SAMD4A: variants seen among roughly 807,000 people sequenced by gnomAD.
The protein encoded by SAMD4A is sterile alpha motif domain containing 4A.
SAMD4A carries 33 observed loss-of-function variants against 81.3 expected under a neutral mutation model. The ratio of observed to expected loss-of-function variants is 0.41; its 90% CI spans 0.31 to 0.54. The LOEUF (loss-of-function observed/expected upper bound fraction) is 0.54, where lower values mean the gene tolerates loss of function less well. Ranked by LOEUF, SAMD4A falls within the 20% of genes least tolerant of loss-of-function variation. The pLI is 0.37. For synonymous variants in SAMD4A, 389 were observed against 382.1 expected (o/e 1.02, Z -0.21); for missense variants, 854 against 951.1 (o/e 0.90, Z 1.34).
chr14:54,750,839 G>A (rs1490811114), intron 5 of SAMD4A, among the ~76,000 whole-genome samples: 1 of 152,230 alleles, frequency 6.6e-6, no homozygotes, highest in Non-Finnish European at 1.5e-5. Flanking sequence ...TTCTAAGGCT[G>A]TGAAGAAATT....
chr14:54,788,452 T>C (rs1362301187), intron 12 of SAMD4A, among the ~76,000 whole-genome samples: 2 of 152,098 alleles, frequency 1.3e-5, no homozygotes, highest in Non-Finnish European at 2.9e-5. Context: ...ATCCCACCTA[T>C]GCATGCACCG....
At chr14:54,600,313 C>T (rs2034020362) in intron 2 of SAMD4A, among the ~76,000 whole-genome samples, 1 of 152,162 alleles carries the variant, frequency 6.6e-6, no homozygotes, top group Non-Finnish European at 1.5e-5. Context: ...ATTAACTGCC[C>T]CACCCCTGAA....
chr14:54,604,254 C>G (rs1476078245), intron 2 of SAMD4A, among the ~76,000 whole-genome samples: 2 of 152,200 alleles, frequency 1.3e-5, no homozygotes, highest in African/African-American at 4.8e-5. Context: ...AATCCACCAC[C>G]AAGAATGGTG....
chr14:54,784,898 C>T (rs1481861856), intron 12 of SAMD4A, among the ~76,000 whole-genome samples: 1 of 152,178 alleles, frequency 6.6e-6, no homozygotes, highest in African/African-American at 2.4e-5. Flanking sequence ...AGAAGCTCCA[C>T]CTCCCAGTGC....
intron 11 of SAMD4A, among the ~76,000 whole-genome samples, chr14:54,776,905 CAG>C (rs2038867691): frequency 1.3e-5 from 2 of 151,620 alleles, no homozygotes; most frequent in African/African-American, 4.9e-5. Context: ...GAGAGTGAGA[CAG>C]AGAAAGAGAA....
chr14:54,647,924 G>T (rs753521837), intron 2 of SAMD4A, among the ~76,000 whole-genome samples: 2 of 152,212 alleles, frequency 1.3e-5, no homozygotes, highest in Non-Finnish European at 2.9e-5. Flanking sequence ...AAAATGTTGA[G>T]TTGATAAATG....
At chr14:54,757,840 G>A (rs1483675309) in intron 6 of SAMD4A, among the ~76,000 whole-genome samples, 2 of 152,200 alleles carry the variant, frequency 1.3e-5, no homozygotes, top group Non-Finnish European at 2.9e-5. Flanking sequence ...TAGGATCCAG[G>A]GGTCCCCTAG....
chr14:54,750,012 A>C (rs1170034293), intron 5 of SAMD4A, among the ~76,000 whole-genome samples: 1 of 152,146 alleles, frequency 6.6e-6, no homozygotes, highest in Non-Finnish European at 1.5e-5. Flanking sequence ...AATGAAAGGC[A>C]CTCATTTCAA....
intron 2 of SAMD4A, among the ~76,000 whole-genome samples, chr14:54,678,262 C>G (rs1242052328): frequency 6.6e-6 from 1 of 152,168 alleles, no homozygotes; most frequent in Non-Finnish European, 1.5e-5. Context: ...CTTGGCATCT[C>G]TGTGTCGTTA....
At chr14:54,658,198 C>A (rs56411167) in intron 2 of SAMD4A, among the ~76,000 whole-genome samples, 1 of 152,120 alleles carries the variant, frequency 6.6e-6, no homozygotes, top group Non-Finnish European at 1.5e-5. Flanking sequence ...ATAATCCCAG[C>A]TACTCGGGAG....
intron 3 of SAMD4A, among the ~76,000 whole-genome samples, chr14:54,734,561 G>A (rs1328870566): frequency 1.3e-5 from 2 of 152,192 alleles, no homozygotes; most frequent in Non-Finnish European, 2.9e-5. Flanking sequence ...GAAGAAATGG[G>A]TGTGGGTTTC....
intron 2 of SAMD4A, among the ~76,000 whole-genome samples, chr14:54,655,602 G>T (rs1226127776): frequency 6.6e-6 from 1 of 152,062 alleles, no homozygotes; most frequent in African/African-American, 2.4e-5. Context: ...GCCGGGCATG[G>T]TGGCGCATAC....
chr14:54,759,867 C>T (rs563833804), intron 6 of SAMD4A, among the ~76,000 whole-genome samples: 1 of 152,304 alleles, frequency 6.6e-6, no homozygotes, highest in African/African-American at 2.4e-5. Context: ...CAGAAATGCA[C>T]AGAGGAAGGC....
intron 2 of SAMD4A, among the ~76,000 whole-genome samples, chr14:54,576,233 A>G (rs897841805): frequency 6.6e-6 from 1 of 152,040 alleles, no homozygotes; most frequent in African/African-American, 2.4e-5. Context: ...TACATACACA[A>G]CATTGACTTT....
At chr14:54,655,551 G>A (rs1453931854) in intron 2 of SAMD4A, among the ~76,000 whole-genome samples, 1 of 149,464 alleles carries the variant, frequency 6.7e-6, no homozygotes, top group Non-Finnish European at 1.5e-5. Flanking sequence ...GACCAACATG[G>A]AAAAACCCCG....
At chr14:54,772,968 G>A (rs958704412) in intron 9 of SAMD4A, among the ~76,000 whole-genome samples, 4 of 151,992 alleles carry the variant, frequency 2.6e-5, no homozygotes, top group South Asian at 2.1e-4. Context: ...TGAAGCCTTC[G>A]TAAAAATGAA....
At chr14:54,785,348 G>T (rs1160601411) in intron 12 of SAMD4A, among the ~76,000 whole-genome samples, 2 of 152,256 alleles carry the variant, frequency 1.3e-5, no homozygotes, top group East Asian at 3.8e-4. Flanking sequence ...AGCCCTGGGA[G>T]GCCTTCAGCT....
At chr14:54,765,458 A>G (rs1416721089) in intron 8 of SAMD4A, among the ~76,000 whole-genome samples, 2 of 123,960 alleles carry the variant, frequency 1.6e-5, no homozygotes, top group African/African-American at 7.6e-5. Context: ...CCCTGTCACT[A>G]CGAAAAAAAA....
At position 54,567,626 on chromosome 14, in the gene SAMD4A, T is replaced by A. The variant is rs535568126; in HGVS notation, c.-291T>A. ...GGGGAGAAAGCATTCTTCATTCAGT[T>A]GTGTGCCTTGTGGGGGATTTTTAAA... On this transcript the variant is annotated 5_prime_UTR_variant, in exon 2 of 13. Transcript: ENST00000554335. 1 of 427,906 alleles carries A rather than the reference T, an allele frequency of 2.3e-6. No individual in the cohort carries two copies. Among genetic ancestry groups the A allele is most frequent in the East Asian group, 5.2e-5 (1 of 19,286 alleles). 26.5% of individuals were successfully genotyped at this position (427,906 alleles called of 1,614,324 possible). A position where few individuals can be genotyped will look rare whatever the true frequency, so the allele number is the denominator to read the frequency against.
Sources: allele counts gnomAD v4.1 joint callset (sites outside exome capture counted in the v4.1 genomes callset), GRCh38; gene constraint gnomAD v4.1.1; transcripts MANE v1.5; gene names NCBI Gene and HGNC (gene_info 2026-07-23, HGNC 2026-07-21).